The following CXADR variants were observed in gnomAD, a reference collection of about 807,000 sequenced individuals.
CXADR encodes CXADR cell adhesion molecule.
Under a neutral mutation model 40.3 loss-of-function variants are expected in CXADR, and 20 were observed. That is an observed-to-expected ratio of 0.50 (90% confidence interval 0.35 to 0.72). CXADR has a LOEUF of 0.72. Among genes scored for constraint, CXADR ranks in the 30% least tolerant of loss-of-function variants. The pLI is 0.01. For missense variants in CXADR, 332 were observed against 449.1 expected, an observed-to-expected ratio of 0.74 and a Z score of 2.36; for synonymous variants, 150 against 161.3, an observed-to-expected ratio of 0.93 and a Z score of 0.53.
chr21:17,536,572 G>A (rs1420782021), intron 1 of CXADR, among the ~76,000 whole-genome samples: 1 of 152,072 alleles, frequency 6.6e-6, no homozygotes, highest in Non-Finnish European at 1.5e-5. Context: ...AAGGCTGACT[G>A]AATAAGTCTA....
chr21:17,521,484 G>A (rs1184200429), intron 1 of CXADR, among the ~76,000 whole-genome samples: 1 of 152,086 alleles, frequency 6.6e-6, no homozygotes, highest in Non-Finnish European at 1.5e-5. Flanking sequence ...CACCACACCT[G>A]GCTAATTTTT....
chr21:17,578,892 A>AG (rs2061340306), intron 7 of CXADR, among the ~76,000 whole-genome samples: 1 of 152,114 alleles, frequency 6.6e-6, no homozygotes, highest in Non-Finnish European at 1.5e-5. Context: ...AATCCTATGT[A>AG]AGGTTCAAAT....
At chr21:17,604,581 C>T in the CXADR span, among the ~76,000 whole-genome samples, 2 of 152,156 alleles carry the variant, frequency 1.3e-5, no homozygotes, top group Non-Finnish European at 2.9e-5. Flanking sequence ...AGACACCTAG[C>T]GGAATCTAGG....
In CXADR at chr21:17,581,002, T is replaced by C. The variant is rs188481275; in HGVS notation, c.1018-12150T>C. ...TTGGGCTCAAGTGATCCTCCTGCCTTAGCCTCCCAAAGAGCTGGGATTATA... is the reference window on the plus strand; with the variant it reads ...TTGGGCTCAAGTGATCCTCCTGCCTCAGCCTCCCAAAGAGCTGGGATTATA... On this transcript the variant is annotated intron_variant, in intron 7 of 7. Transcript: ENST00000400169. 1.6e-3 allele frequency among the ~76,000 whole-genome samples: 248 copies of C among 152,316 alleles called. 3 individuals are homozygous for C. Among genetic ancestry groups the C allele is most frequent in the Non-Finnish European group, 2.5e-4 (17 of 68,018 alleles).
the CXADR span, among the ~76,000 whole-genome samples, chr21:17,621,802 A>T: frequency 1.3e-5 from 2 of 152,206 alleles, no homozygotes; most frequent in Non-Finnish European, 2.9e-5. Context: ...AATTTCTGTT[A>T]TTCATAAATT....
intron 1 of CXADR, chr21:17,542,096 C>T (rs527508506): frequency 3.3e-6 from 1 of 307,408 alleles, no homozygotes; most frequent in South Asian, 2.8e-5. Flanking sequence ...TCTTCCATAG[C>T]TTTTGTGTTT....
chr21:17,535,563 C>T (rs1408529152), intron 1 of CXADR, among the ~76,000 whole-genome samples: 2 of 152,146 alleles, frequency 1.3e-5, no homozygotes, highest in Non-Finnish European at 2.9e-5. Flanking sequence ...AGAATGTGTT[C>T]TCCCTTTAAA....
At chr21:17,624,672 T>C in the CXADR span, among the ~76,000 whole-genome samples, 3 of 152,212 alleles carry the variant, frequency 2.0e-5, no homozygotes, top group South Asian at 2.1e-4. Flanking sequence ...CATTTCCGTC[T>C]GCAATTTCTT....
downstream of CXADR, chr21:17,594,022 T>A (rs2061470009): frequency 6.6e-7 from 1 of 1,520,792 alleles, no homozygotes; most frequent in African/African-American, 1.4e-5. Flanking sequence ...TAAGAACTTT[T>A]AACTTTTAAT....
At chr21:17,598,545 C>T (rs148316170), downstream of CXADR, 2,562 of 1,313,824 alleles carry the variant, frequency 2.0e-3, 5 homozygotes, top group Middle Eastern at 2.4e-3. Flanking sequence ...TGGGCAATGC[C>T]AAGTAGGACT....
intron 2 of CXADR, among the ~76,000 whole-genome samples, chr21:17,549,738 T>A (rs945013267): frequency 3.3e-5 from 5 of 152,196 alleles, no homozygotes; most frequent in Non-Finnish European, 7.3e-5. Context: ...CAAGCCCCCC[T>A]TAAAGGACTA....
downstream of CXADR, among the ~76,000 whole-genome samples, chr21:17,574,980 A>G (rs148579738): frequency 0.028 from 1,065 of 38,230 alleles, 16 homozygotes; most frequent in African/African-American, 0.075. Flanking sequence ...GAATATATAT[A>G]TATTACATAT....
Position 17,568,623 on chromosome 21 carries a change from T to A in CXADR, c.*2931T>A, listed in dbSNP as rs2061246070. 1.0e-6 allele frequency: 1 copy of A among 980,612 alleles called. No individual in the cohort carries two copies. The highest frequency in any genetic ancestry group is 1.2e-6 in the Non-Finnish European group (1 of 827,184). The allele number at this position is 980,612 out of a possible 1,614,324, so 60.7% of individuals were successfully genotyped here. ...TCAGGCTGGTCTCAAACTGCTGGGCTCAGGAGATCCTCCTGCCTTGGCCTC... is the reference window on the plus strand; with the variant it reads ...TCAGGCTGGTCTCAAACTGCTGGGCACAGGAGATCCTCCTGCCTTGGCCTC... On this transcript the variant is annotated 3_prime_UTR_variant, in exon 7 of 7. Transcript: ENST00000284878.
At chr21:17,574,929 G>A (rs972615620), downstream of CXADR, among the ~76,000 whole-genome samples, 4 of 151,494 alleles carry the variant, frequency 2.6e-5, no homozygotes, top group African/African-American at 9.7e-5. Context: ...CAAACTATGG[G>A]CACTTCACTC....
chr21:17,572,706 G>A (rs1030985146), downstream of CXADR, among the ~76,000 whole-genome samples: 17 of 151,840 alleles, frequency 1.1e-4, no homozygotes, highest in East Asian at 1.6e-3. Context: ...ACTAACTAAC[G>A]TTGTTTTTTT....
intron 7 of CXADR, among the ~76,000 whole-genome samples, chr21:17,584,826 A>AAAAC (rs922681067): frequency 5.3e-5 from 8 of 152,344 alleles, no homozygotes; most frequent in East Asian, 1.9e-4. Flanking sequence ...TCCGTCTCAA[A>AAAAC]AAACAAACAA....
chr21:17,623,719 C>T, the CXADR span, among the ~76,000 whole-genome samples: 2 of 152,266 alleles, frequency 1.3e-5, no homozygotes, highest in East Asian at 1.9e-4. Flanking sequence ...ACTAAACTTG[C>T]CACTCCTCTT....
chr21:17,620,560 C>T, the CXADR span, among the ~76,000 whole-genome samples: 1 of 152,082 alleles, frequency 6.6e-6, no homozygotes, highest in East Asian at 1.9e-4. Context: ...AAAGTGATCA[C>T]AAGCTGTTGG....
chr21:17,516,184 A>G (rs2060460165), intron 1 of CXADR, among the ~76,000 whole-genome samples: 1 of 152,208 alleles, frequency 6.6e-6, no homozygotes, highest in Non-Finnish European at 1.5e-5. Flanking sequence ...TATTATACTT[A>G]TCCCTGTTGT....
Sources: gnomAD v4.1 joint callset for allele counts (sites outside exome capture counted in the v4.1 genomes callset) on GRCh38, gnomAD v4.1.1 for gene constraint, MANE v1.5 for transcripts, NCBI Gene and HGNC (gene_info 2026-07-23, HGNC 2026-07-21) for gene names.